Variants in XKR6 observed in about 807,000 individuals in gnomAD.
The protein encoded by XKR6 is XK related 6.
Under a neutral mutation model 56.7 loss-of-function variants are expected in XKR6, and 22 were observed. That is an observed-to-expected ratio of 0.39 (90% CI 0.28 to 0.55). XKR6 has a LOEUF of 0.55. XKR6 is among the 20% of genes least tolerant of loss of function. The probability of loss-of-function intolerance (pLI) is 0.66; values close to 1 mark genes in which losing one functional copy is unlikely to be tolerated. For synonymous variants in XKR6, 524 were observed against 387.8 expected, an observed-to-expected ratio of 1.35 and a Z score of -4.13; for missense variants, 852 against 889.0, an observed-to-expected ratio of 0.96 and a Z score of 0.53.
At chr8:11,118,121 C>T (rs1001738205) in intron 1 of XKR6, among the ~76,000 whole-genome samples, 1 of 152,046 alleles carries the variant, frequency 6.6e-6, no homozygotes, top group African/African-American at 2.4e-5. Flanking sequence ...TCTTCTCACA[C>T]GTAAGCAAAA....
intron 1 of XKR6, among the ~76,000 whole-genome samples, chr8:10,996,041 G>C (rs896510363): frequency 2.0e-5 from 3 of 152,166 alleles, no homozygotes; most frequent in African/African-American, 4.8e-5. Context: ...TCACAACCAA[G>C]GATCTGGAAT....
At chr8:11,137,547 C>T in intron 1 of XKR6, 1 of 456,200 alleles carries the variant, frequency 2.2e-6, no homozygotes, top group Non-Finnish European at 4.4e-6. Context: ...TACCCATCAC[C>T]CCAGTGTTCT....
intron 1 of XKR6, among the ~76,000 whole-genome samples, chr8:10,925,661 G>C (rs566602086): frequency 5.1e-4 from 78 of 152,324 alleles, no homozygotes; most frequent in African/African-American, 1.8e-3. Context: ...TGCTAAGTGG[G>C]GGATCTTGAA....
At chr8:10,952,604 C>A (rs565138516) in intron 1 of XKR6, among the ~76,000 whole-genome samples, 1 of 152,208 alleles carries the variant, frequency 6.6e-6, no homozygotes, top group Non-Finnish European at 1.5e-5. Context: ...CAGACACGTG[C>A]CACCATGCCT....
chr8:11,098,888 T>C (rs1798360728), intron 1 of XKR6, among the ~76,000 whole-genome samples: 1 of 152,198 alleles, frequency 6.6e-6, no homozygotes, highest in African/African-American at 2.4e-5. Flanking sequence ...TCTTGGAAAC[T>C]TCTGGAACAT....
In XKR6 at chr8:11,175,242, G is replaced by A. The variant is rs141070816; in HGVS notation, c.764+25334C>T. On this transcript the variant is annotated intron_variant, in intron 1 of 2. Coordinates refer to ENST00000416569, the MANE Select transcript of XKR6 (RefSeq NM_173683.4). ...ATTCTGATGTTACAATGGTAGAGTC[G>A]GTAGGTGTGCCCAGGCCAAACAGTG... 2.5e-3 allele frequency: 383 copies of A among 152,620 alleles called. 3 individuals are homozygous for A. Among genetic ancestry groups the A allele is most frequent in the African/African-American group, 8.7e-3 (361 of 41,562 alleles). The allele number at this position is 152,620 out of a possible 1,614,324, so 9.5% of individuals were successfully genotyped here.
At chr8:11,182,981 G>C (rs140689115) in intron 1 of XKR6, among the ~76,000 whole-genome samples, 3 of 152,120 alleles carry the variant, frequency 2.0e-5, no homozygotes, top group Non-Finnish European at 4.4e-5. Context: ...GTCCTTTTAT[G>C]GTGGCCTTAT....
intron 1 of XKR6, among the ~76,000 whole-genome samples, chr8:11,141,960 T>C (rs138118630): frequency 3.7e-4 from 56 of 151,372 alleles, no homozygotes; most frequent in African/African-American, 1.3e-3. Flanking sequence ...ATTGTCACTC[T>C]GAAAATTCTC....
chr8:11,183,824 G>A (rs1371296277), intron 1 of XKR6, among the ~76,000 whole-genome samples: 1 of 152,146 alleles, frequency 6.6e-6, no homozygotes, highest in Admixed American at 6.5e-5. Context: ...AAAGGCTCAG[G>A]AATAAGGGTT....
chr8:10,968,000 C>T (rs755149857), intron 1 of XKR6, among the ~76,000 whole-genome samples: 8 of 152,190 alleles, frequency 5.3e-5, no homozygotes, highest in South Asian at 4.1e-4. Context: ...CCTCACTCGG[C>T]GCCCTCCGGG....
At chr8:10,946,658 G>A (rs564248560) in intron 1 of XKR6, among the ~76,000 whole-genome samples, 14 of 152,056 alleles carry the variant, frequency 9.2e-5, no homozygotes, top group African/African-American at 2.4e-4. Flanking sequence ...CCTCTCAGTC[G>A]TATTCAAGCA....
chr8:11,050,446 T>G (rs977959374), intron 1 of XKR6, among the ~76,000 whole-genome samples: 1 of 151,562 alleles, frequency 6.6e-6, no homozygotes, highest in Non-Finnish European at 1.5e-5. Flanking sequence ...TACAACTCTA[T>G]GAAGAACAAT....
intron 1 of XKR6, among the ~76,000 whole-genome samples, chr8:10,944,435 G>C (rs951949769): frequency 6.6e-6 from 1 of 152,292 alleles, no homozygotes; most frequent in African/African-American, 2.4e-5. Context: ...CAGAAGGCAA[G>C]GGTTGGACCC....
chr8:10,948,965 G>T (rs565941684), intron 1 of XKR6, among the ~76,000 whole-genome samples: 2 of 152,344 alleles, frequency 1.3e-5, no homozygotes, highest in East Asian at 3.9e-4. Context: ...CCCTGCCCTG[G>T]GCGGTGCAGC....
intron 1 of XKR6, among the ~76,000 whole-genome samples, chr8:10,996,726 G>A (rs1001127645): frequency 6.6e-6 from 1 of 152,160 alleles, no homozygotes; most frequent in African/African-American, 2.4e-5. Flanking sequence ...AACAAGAAAA[G>A]TCTGGGCTCG....
intron 1 of XKR6, among the ~76,000 whole-genome samples, chr8:11,136,530 G>T (rs1478953040): frequency 1.3e-5 from 2 of 150,590 alleles, no homozygotes; most frequent in Admixed American, 6.6e-5. Flanking sequence ...AAAGTCCTAC[G>T]TTGAAGCCCT....
At chr8:11,038,821 A>G (rs1424060551) in intron 1 of XKR6, among the ~76,000 whole-genome samples, 4 of 152,162 alleles carry the variant, frequency 2.6e-5, no homozygotes, top group East Asian at 3.9e-4. Context: ...GATTACAGGC[A>G]TGAGCCACCG....
intron 1 of XKR6, among the ~76,000 whole-genome samples, chr8:11,050,171 G>A (rs1012717464): frequency 6.6e-5 from 10 of 152,212 alleles, no homozygotes; most frequent in Admixed American, 3.3e-4. Flanking sequence ...ACGGAGACAC[G>A]CAGATTCAGT....
At chr8:11,190,285 TAAAAG>T (rs1164963953) in intron 1 of XKR6, among the ~76,000 whole-genome samples, 3 of 145,380 alleles carry the variant, frequency 2.1e-5, no homozygotes, top group Middle Eastern at 3.5e-3. Context: ...GAAAGGAAAA[TAAAAG>T]AAAAGAAAAG....
Sources: allele counts gnomAD v4.1 joint callset (sites outside exome capture counted in the v4.1 genomes callset), GRCh38; gene constraint gnomAD v4.1.1; transcripts MANE v1.5; gene names NCBI Gene and HGNC (gene_info 2026-07-23, HGNC 2026-07-21).